Variants in RGPD2 observed in about 807,000 individuals in gnomAD.
RGPD2 encodes RANBP2-like and GRIP domain-containing protein 2.
In RGPD2, 2 loss-of-function variants were observed where a neutral mutation model predicts 36.0. The observed-to-expected ratio is 0.06, with a 90% confidence interval of 0.02 to 0.17. The LOEUF is 0.17. RGPD2 is among the 10% of genes least tolerant of loss of function. RGPD2 has a pLI of 1.00. For synonymous variants in RGPD2, 19 were observed against 163.8 expected, an observed-to-expected ratio of 0.12 and a Z score of 6.75; for missense variants, 40 against 464.3, an observed-to-expected ratio of 0.09 and a Z score of 8.40.
At chr2:87,958,175 C>T in the RGPD2 span, among the ~76,000 whole-genome samples, 6 of 151,902 alleles carry the variant, frequency 3.9e-5, no homozygotes, top group Non-Finnish European at 8.8e-5. Flanking sequence ...CTCTATTTCT[C>T]ATGTTACATA....
chr2:87,959,818 C>T, the RGPD2 span, among the ~76,000 whole-genome samples: 1 of 147,260 alleles, frequency 6.8e-6, no homozygotes, highest in South Asian at 2.2e-4. Context: ...ACACATGTTC[C>T]CTAAACCATA....
rs879124297 is a variant in RGPD2, at chr2:87,781,464, GTTTTTTT to G, written c.4900+653_4900+659del. Among the ~76,000 whole-genome samples the G allele has an allele frequency of 3.5e-3, 390 of 112,506 alleles. 5 individuals carry two copies. Among genetic ancestry groups the G allele is most frequent in the Non-Finnish European group, 5.5e-3 (298 of 54,036 alleles). The allele number at this position is 112,506 out of a possible 152,430, so 73.8% of individuals were successfully genotyped here. A position where few individuals can be genotyped will look rare whatever the true frequency, so the allele number is the denominator to read the frequency against. On this transcript the variant is annotated intron_variant, in intron 20 of 22. Transcript: ENST00000398146. ...ATATCATGGTTTTTTTTGTTTTTTT[GTTTTTTT>G]TTTTTTTTTTGGAGACAAAGTCTCA...
At chr2:87,921,646 A>G in the RGPD2 span, among the ~76,000 whole-genome samples, 2 of 152,298 alleles carry the variant, frequency 1.3e-5, no homozygotes, top group South Asian at 2.1e-4. Context: ...TGCTGAAGTC[A>G]GGTTTATGTT....
chr2:87,882,325 G>T, the RGPD2 span, among the ~76,000 whole-genome samples: 1 of 152,044 alleles, frequency 6.6e-6, no homozygotes, highest in Non-Finnish European at 1.5e-5. Context: ...ATGAATATCC[G>T]GTTTTCCCAA....
the RGPD2 span, among the ~76,000 whole-genome samples, chr2:87,875,786 C>T: frequency 4.9e-4 from 74 of 152,366 alleles, no homozygotes; most frequent in Non-Finnish European, 2.4e-4. Context: ...TCAGTAGAAA[C>T]GGTACCAGCT....
chr2:87,825,493 C>CGGCCGAGGCCGA (rs1187438680), intron 1 of RGPD2, among the ~76,000 whole-genome samples, 165 bp downstream of exon 1: 1 of 69,108 alleles, frequency 1.4e-5, no homozygotes, highest in Admixed American at 1.4e-4. Flanking sequence ...CGCCGCCGCC[C>CGGCCGAGGCCGA]GGCCGAGGCC....
Position 87,825,692 on chromosome 2 carries a change from G to A in RGPD2, c.38C>T (p.Ala13Val). 2.5e-6 allele frequency: 4 copies of A among 1,600,732 alleles called. No individual in the cohort carries two copies. Among genetic ancestry groups the A allele is most frequent in the Non-Finnish European group, 2.6e-6 (3 of 1,174,644 alleles). The change falls in exon 1 of 23, where the codon GCC becomes GTC. Residue 13 changes from alanine (A) to valine (V), a missense_variant. Coordinates refer to ENST00000398146, the MANE Select transcript of RGPD2 (RefSeq NM_001078170.3). The stretch of plus-strand genomic sequence containing the variant: ...CGACGGGGCGGAGCCCTGCACCGAG[G>A]CGAGGTACCGCTCCCCGTAGGCTTT... ...RSKAYGERYL[A>V]SVQGSAPSPG...
At chr2:87,929,090 T>C in the RGPD2 span, among the ~76,000 whole-genome samples, 1 of 152,108 alleles carries the variant, frequency 6.6e-6, no homozygotes, top group Non-Finnish European at 1.5e-5. Flanking sequence ...TTTGTTGCAA[T>C]AGGTTTTGGC....
chr2:87,887,307 C>T, the RGPD2 span, among the ~76,000 whole-genome samples: 45 of 151,400 alleles, frequency 3.0e-4, no homozygotes, highest in Non-Finnish European at 4.7e-4. Flanking sequence ...AAAAAACATT[C>T]GTGTGTTTTC....
the RGPD2 span, among the ~76,000 whole-genome samples, chr2:87,937,145 G>A: frequency 6.6e-6 from 1 of 151,732 alleles, no homozygotes; most frequent in Admixed American, 6.6e-5. Flanking sequence ...ATCTCATTAG[G>A]CAAAAATACA....
At chr2:87,963,520 G>GA in the RGPD2 span, among the ~76,000 whole-genome samples, 1 of 87,088 alleles carries the variant, frequency 1.1e-5, no homozygotes, top group African/African-American at 4.3e-5. Flanking sequence ...CAAAAAAAGA[G>GA]AAATTAAAAA....
At chr2:87,813,270 C>T (rs1558733983) in intron 4 of RGPD2, among the ~76,000 whole-genome samples, 1 of 152,056 alleles carries the variant, frequency 6.6e-6, no homozygotes, top group African/African-American at 2.4e-5. Context: ...TTTCTGTGTG[C>T]TTAGATTTGG....
intron 1 of RGPD2, chr2:87,824,797 C>CGCGGCCGAG (rs1686596530): frequency 1.7e-5 from 2 of 116,970 alleles, no homozygotes; most frequent in African/African-American, 6.6e-5. Flanking sequence ...AGGCCGAGGC[C>CGCGGCCGAG]GCCGCCGCCG....
At chr2:87,855,282 G>A in the RGPD2 span, among the ~76,000 whole-genome samples, 2 of 152,008 alleles carry the variant, frequency 1.3e-5, no homozygotes, top group Non-Finnish European at 2.9e-5. Context: ...GTAGCGCTAT[G>A]TTTAGTTTTG....
chr2:87,843,007 T>A, the RGPD2 span, among the ~76,000 whole-genome samples: 1 of 151,436 alleles, frequency 6.6e-6, no homozygotes, highest in African/African-American at 2.4e-5. Flanking sequence ...TGGCTAGCCA[T>A]ATGTAGAAAG....
intron 1 of RGPD2, chr2:87,824,862 GGCCGCCGCCGCCGCC>G (rs533529835): frequency 8.0e-5 from 3 of 37,520 alleles, no homozygotes; most frequent in Non-Finnish European, 1.1e-4. Flanking sequence ...CCGAGGCCGA[GGCCGCCGCCGCCGCC>G]GCCGCCGCCG....
chr2:87,857,780 A>AC, the RGPD2 span, among the ~76,000 whole-genome samples: 1 of 116,340 alleles, frequency 8.6e-6, no homozygotes, highest in African/African-American at 2.6e-5. Flanking sequence ...CTACTAAAAA[A>AC]AAAAAAAAAA....
At chr2:87,903,560 C>T in the RGPD2 span, among the ~76,000 whole-genome samples, 1 of 151,872 alleles carries the variant, frequency 6.6e-6, no homozygotes, top group African/African-American at 2.4e-5. Context: ...GTTCCTCCCC[C>T]CAGACATATG....
At chr2:87,824,862 G>GCC (rs1686625053) in intron 1 of RGPD2, 6 of 37,476 alleles carry the variant, frequency 1.6e-4, no homozygotes, top group East Asian at 9.1e-4. Context: ...CCGAGGCCGA[G>GCC]GCCGCCGCCG....
Sources: gnomAD v4.1 joint callset for allele counts (sites outside exome capture counted in the v4.1 genomes callset) on GRCh38, gnomAD v4.1.1 for gene constraint, MANE v1.5 for transcripts, NCBI Gene and HGNC (gene_info 2026-07-23, HGNC 2026-07-21) for gene names.